The following SLC26A5 variants were observed in gnomAD, a reference collection of about 807,000 sequenced individuals.
The protein encoded by SLC26A5 is prestin.
Under a neutral mutation model 81.0 loss-of-function variants are expected in SLC26A5, and 51 were observed. That is an observed-to-expected ratio of 0.63 (90% confidence interval 0.50 to 0.80). SLC26A5 has a LOEUF of 0.80. Ranked by LOEUF, SLC26A5 falls within the 30% of genes least tolerant of loss-of-function variation. The pLI, the probability that SLC26A5 is intolerant of heterozygous loss-of-function variation, is 0.00. For synonymous variants in SLC26A5, 325 were observed against 332.8 expected, an observed-to-expected ratio of 0.98 and a Z score of 0.25; for missense variants, 771 against 905.8, an observed-to-expected ratio of 0.85 and a Z score of 1.91.
At chr7:103,428,462 C>G (rs137973787) in intron 2 of SLC26A5, among the ~76,000 whole-genome samples, 271 of 151,802 alleles carry the variant, frequency 1.8e-3, no homozygotes, top group African/African-American at 6.0e-3. Flanking sequence ...TTGGAGGAAT[C>G]TATGCCATAA....
At chr7:103,442,213 C>A (rs1311881545) in intron 2 of SLC26A5, among the ~76,000 whole-genome samples, 1 of 152,134 alleles carries the variant, frequency 6.6e-6, no homozygotes. Context: ...GCAATCTCGG[C>A]TCACTGCAAC....
Position 103,421,022 on chromosome 7 carries a change from T to C in SLC26A5, c.153-145A>G, listed in dbSNP as rs1825303962. On this transcript the variant is annotated intron_variant, in intron 3 of 19. Coordinates refer to ENST00000306312, the MANE Select transcript of SLC26A5 (RefSeq NM_198999.3). ...TGATTCAAGATGTTGCCAAACAGGG[T>C]AGGAGTCAGGGATAGGGAAAAAAAG... is the stretch of plus-strand genomic sequence containing the variant. The C allele has an allele frequency of 1.0e-5, 9 of 872,698 alleles. No homozygotes were observed. In the East Asian group the frequency reaches 2.4e-4, roughly 23 times the overall value. 54.1% of individuals were successfully genotyped at this position (872,698 alleles called of 1,614,324 possible). A position where few individuals can be genotyped will look rare whatever the true frequency, so the allele number is the denominator to read the frequency against.
intron 19 of SLC26A5, among the ~76,000 whole-genome samples, chr7:103,376,500 A>G (rs1360375245): frequency 6.6e-6 from 1 of 152,210 alleles, no homozygotes; most frequent in Non-Finnish European, 1.5e-5. Context: ...CAGCCATTAG[A>G]TAATTGCTAC....
intron 2 of SLC26A5, among the ~76,000 whole-genome samples, chr7:103,436,715 T>C (rs1417014107): frequency 2.6e-5 from 4 of 152,162 alleles, no homozygotes; most frequent in African/African-American, 4.8e-5. Flanking sequence ...CTTCAATAAA[T>C]GGTGCTGGGA....
At chr7:103,410,753 C>A (rs532317004) in intron 6 of SLC26A5, among the ~76,000 whole-genome samples, 1 of 152,138 alleles carries the variant, frequency 6.6e-6, no homozygotes, top group East Asian at 1.9e-4. Context: ...GCCTCAGCCT[C>A]CTGAGTAGCT....
chr7:103,409,279 GT>G (rs762688049), intron 7 of SLC26A5, among the ~76,000 whole-genome samples: 3 of 152,218 alleles, frequency 2.0e-5, no homozygotes, highest in Non-Finnish European at 4.4e-5. Context: ...GCACCTAGCA[GT>G]GTCTGGCACA....
At chr7:103,403,438 T>C (rs958241488) in intron 8 of SLC26A5, among the ~76,000 whole-genome samples, 3 of 152,198 alleles carry the variant, frequency 2.0e-5, no homozygotes, top group Non-Finnish European at 4.4e-5. Flanking sequence ...TAATTTTCTG[T>C]GTCATTGACC....
At chr7:103,400,838 T>G (rs1037658656) in intron 8 of SLC26A5, among the ~76,000 whole-genome samples, 4 of 152,220 alleles carry the variant, frequency 2.6e-5, no homozygotes, top group Non-Finnish European at 5.9e-5. Context: ...CCATGCTTGT[T>G]TTTGCCAAGT....
chr7:103,383,771 C>A (rs1465149459), intron 14 of SLC26A5, among the ~76,000 whole-genome samples: 1 of 152,162 alleles, frequency 6.6e-6, no homozygotes, highest in Non-Finnish European at 1.5e-5. Flanking sequence ...AACTCCTAGG[C>A]TCTAGTGATC....
chr7:103,419,837 C>G (rs1436914169), intron 4 of SLC26A5, among the ~76,000 whole-genome samples: 1 of 151,946 alleles, frequency 6.6e-6, no homozygotes, highest in Non-Finnish European at 1.5e-5. Context: ...CACAGCCGGC[C>G]CTAGATCCAC....
At position 103,410,427 on chromosome 7, in the gene SLC26A5, T is replaced by A. The variant is rs1376135253; in HGVS notation, c.693A>T (p.Gly231=). Residue 231 remains glycine, a synonymous_variant, in exon 7 of 20, where the codon GGA becomes GGT. Coordinates refer to ENST00000306312, the MANE Select transcript of SLC26A5 (RefSeq NM_198999.3). ...VFTSMLKYLF[G]VKTKRYSGIF... is the part of the protein sequence containing the mutation. The stretch of plus-strand genomic sequence containing the variant: ...TTCCACTGTACCGCTTTGTTTTAAC[T>A]CCAAACAGATATTTTAACATGGAGG... 1 of 1,613,960 alleles carries A rather than the reference T, an allele frequency of 6.2e-7. No individual in the cohort carries two copies. The highest frequency in any genetic ancestry group is 1.7e-5 in the Admixed American group (1 of 59,994).
chr7:103,412,906 GAC>G, intron 5 of SLC26A5, 94 bp downstream of exon 5: 1 of 946,702 alleles, frequency 1.1e-6, no homozygotes, highest in Non-Finnish European at 1.7e-6. Context: ...TTGTTATTAA[GAC>G]AATTTTTAAT....
intron 19 of SLC26A5, among the ~76,000 whole-genome samples, chr7:103,375,646 C>G (rs1217782153): frequency 6.6e-6 from 1 of 152,094 alleles, no homozygotes; most frequent in African/African-American, 2.4e-5. Context: ...GTTGCTTAGG[C>G]TGGTCTTGAA....
intron 8 of SLC26A5, among the ~76,000 whole-genome samples, chr7:103,402,795 T>TTAA (rs1823716516): frequency 6.6e-6 from 1 of 152,198 alleles, no homozygotes; most frequent in Non-Finnish European, 1.5e-5. Flanking sequence ...TAATAGTCTA[T>TTAA]CTATTTTGTT....
chr7:103,380,707 G>A (rs1586217108), intron 14 of SLC26A5, among the ~76,000 whole-genome samples, 158 bp from the exon 15 acceptor site: 1 of 151,562 alleles, frequency 6.6e-6, no homozygotes, highest in African/African-American at 2.4e-5. Flanking sequence ...CACATATCAC[G>A]TTCCCAGTGC....
chr7:103,420,666 T>C (rs1246105687), intron 4 of SLC26A5, 72 bp downstream of exon 4: 1 of 1,572,258 alleles, frequency 6.4e-7, no homozygotes. Context: ...TTTGCAATCA[T>C]GATGAAATAA....
chr7:103,405,598 TCCCCTGGATGAGGTGTCTTTGGCC>T (rs1439842009), intron 8 of SLC26A5, among the ~76,000 whole-genome samples: 1 of 152,168 alleles, frequency 6.6e-6, no homozygotes, highest in Non-Finnish European at 1.5e-5. Flanking sequence ...CAGCCAGAGA[TCCCCTGGATGAGGTGTCTTTGGCC>T]CCTACTGGGA....
intron 2 of SLC26A5, 134 bp from the exon 3 acceptor site, chr7:103,421,701 A>T (rs1298551745): frequency 1.6e-6 from 1 of 638,822 alleles, no homozygotes; most frequent in Non-Finnish European, 2.7e-6. Context: ...TAATGTATTG[A>T]TCTGTATATA....
chr7:103,405,502 T>A (rs1301052543), intron 8 of SLC26A5, among the ~76,000 whole-genome samples: 1 of 152,196 alleles, frequency 6.6e-6, no homozygotes, highest in African/African-American at 2.4e-5. Context: ...TGCCTGGGTA[T>A]CACCAGCGAA....
Sources: gnomAD v4.1 joint callset for allele counts (sites outside exome capture counted in the v4.1 genomes callset) on GRCh38, gnomAD v4.1.1 for gene constraint, MANE v1.5 for transcripts, NCBI Gene and HGNC (gene_info 2026-07-23, HGNC 2026-07-21) for gene names.